The following AHCY variants were observed in gnomAD, a reference collection of about 807,000 sequenced individuals.
AHCY encodes S-adenosyl-L-homocysteine hydrolase.
AHCY carries 24 observed loss-of-function variants against 45.4 expected under a neutral mutation model. The observed-to-expected ratio is 0.53, with a 90% CI of 0.38 to 0.74. The LOEUF (loss-of-function observed/expected upper bound fraction) is 0.74. AHCY is among the 30% of genes least tolerant of loss of function. AHCY has a pLI of 0.00. For synonymous variants in AHCY, 245 were observed against 235.1 expected (o/e 1.04, Z -0.39); for missense variants, 449 against 594.1 (o/e 0.76, Z 2.54).
chr20:34,282,555 A>G (rs1394629879), intron 9 of AHCY, among the ~76,000 whole-genome samples: 2 of 152,224 alleles, frequency 1.3e-5, no homozygotes, highest in South Asian at 4.1e-4. Context: ...TAGTGTTTCT[A>G]TCACTTGTGA....
the AHCY span, chr20:34,246,139 T>A: frequency 1.0e-6 from 1 of 968,500 alleles, no homozygotes; most frequent in South Asian, 1.4e-5. Context: ...TTTCAAAAGT[T>A]GCAAGGCCAC....
At chr20:34,269,349 G>T in the AHCY span, 1 of 743,318 alleles carries the variant, frequency 1.3e-6, no homozygotes, top group Non-Finnish European at 2.0e-6. Flanking sequence ...GCTGCTCGAA[G>T]GTGTGCGGCT....
the AHCY span, among the ~76,000 whole-genome samples, chr20:34,269,770 C>T: frequency 6.6e-6 from 1 of 151,600 alleles, no homozygotes; most frequent in Non-Finnish European, 1.5e-5. Context: ...TATGGAGAAA[C>T]CCCGTCTCTA....
the AHCY span, among the ~76,000 whole-genome samples, chr20:34,271,375 G>T: frequency 0.01 from 1,570 of 152,228 alleles, 36 homozygotes; most frequent in African/African-American, 0.036. Context: ...TTTGATTGTT[G>T]TGAGAATCTG....
chr20:34,303,144 G>A (rs983611737), intron 1 of AHCY, 99 bp downstream of exon 1: 2 of 1,529,122 alleles, frequency 1.3e-6, no homozygotes, highest in African/African-American at 1.4e-5. Context: ...CGATTCCAGG[G>A]GGTCCAGAGA....
the AHCY span, among the ~76,000 whole-genome samples, chr20:34,252,509 C>T: frequency 6.6e-6 from 1 of 152,190 alleles, no homozygotes; most frequent in Admixed American, 6.5e-5. Flanking sequence ...GTCAGTATAT[C>T]TCCCCTCTAG....
upstream of AHCY, among the ~76,000 whole-genome samples, chr20:34,305,159 CAAAAA>C (rs528737503): frequency 1.8e-5 from 2 of 109,378 alleles, no homozygotes; most frequent in African/African-American, 6.5e-5. Context: ...ACTAAAAATA[CAAAAA>C]AAAAAAAAAA....
At chr20:34,260,483 A>G in the AHCY span, 6 of 1,614,060 alleles carry the variant, frequency 3.7e-6, no homozygotes, top group Non-Finnish European at 5.1e-6. Context: ...CAGGAGCCTG[A>G]GAAGCAACTC....
chr20:34,276,303 CAA>C (rs1367279286), downstream of AHCY, among the ~76,000 whole-genome samples: 1 of 152,084 alleles, frequency 6.6e-6, no homozygotes. Flanking sequence ...GAGGTTTGCT[CAA>C]GTCTAAGAAC....
rs375499796 is a variant in AHCY at position 34,290,589 on chromosome 20, A to G, written c.816T>C (p.Phe272=). The part of the protein sequence containing the change: ...MDEACQEGNI[F]VTTTGCIDII... Reference sequence around the variant, plus strand: ...TGTCAATACAGCCTGTGGTGGTGACAAAGATGTTGCCCTCCTGACAGGCCT... The same window carrying G: ...TGTCAATACAGCCTGTGGTGGTGACGAAGATGTTGCCCTCCTGACAGGCCT... Residue 272 remains phenylalanine (F), a synonymous_variant, in exon 7 of 10, where the codon TTT becomes TTC. Coordinates refer to ENST00000217426, the MANE Select transcript of AHCY (RefSeq NM_000687.4). The surrounding 1 kb of genome is among the most constrained non-coding windows in gnomAD (Gnocchi z 4.5). 1 of 1,614,076 alleles carries G rather than the reference A, an allele frequency of 6.2e-7. No individual in the cohort carries two copies. Among genetic ancestry groups the G allele is most frequent in the African/African-American group, 1.3e-5 (1 of 74,920 alleles).
the AHCY span, among the ~76,000 whole-genome samples, chr20:34,247,418 A>G: frequency 6.7e-6 from 1 of 149,284 alleles, no homozygotes; most frequent in African/African-American, 2.5e-5. Context: ...CTCCTGCCTC[A>G]GCCTCCCGAG....
downstream of AHCY, among the ~76,000 whole-genome samples, chr20:34,276,839 C>T (rs1391434503): frequency 3.3e-5 from 5 of 152,154 alleles, no homozygotes; most frequent in African/African-American, 9.7e-5. Context: ...GATCGAAGCC[C>T]GCCCGGACCA....
chr20:34,281,001 C>T lies in AHCY; in HGVS notation c.*33G>A. 3 of 1,613,650 alleles carry T rather than the reference C, an allele frequency of 1.9e-6. No individual in the cohort carries two copies. The South Asian group carries it at 3.3e-5, about 18-fold the overall frequency. ...AGGAGAGGTGGGGCCTGGGCAAGGA[C>T]AGCAGCTGGAGGGTGAAACGCAGAC... On this transcript the variant is annotated 3_prime_UTR_variant, in exon 10 of 10. Transcript: ENST00000217426.
chr20:34,267,813 G>A, the AHCY span, among the ~76,000 whole-genome samples: 1 of 150,414 alleles, frequency 6.6e-6, no homozygotes, highest in Non-Finnish European at 1.5e-5. Flanking sequence ...TTACAGGCAT[G>A]AGCCACCACA....
At chr20:34,299,082 T>G (rs905995293) in intron 1 of AHCY, among the ~76,000 whole-genome samples, 6 of 151,992 alleles carry the variant, frequency 3.9e-5, no homozygotes, top group African/African-American at 1.5e-4. Context: ...ATGGTAGTGG[T>G]CCCCCGGGCC....
intron 1 of AHCY, among the ~76,000 whole-genome samples, chr20:34,308,524 T>G (rs2036917239): frequency 6.6e-6 from 1 of 152,210 alleles, no homozygotes; most frequent in Admixed American, 6.5e-5. Flanking sequence ...CACTCCAGAC[T>G]TGGTGACAGA....
chr20:34,300,849 C>A (rs547240239), intron 1 of AHCY, among the ~76,000 whole-genome samples: 2 of 152,224 alleles, frequency 1.3e-5, no homozygotes, highest in South Asian at 4.1e-4. Context: ...GGGTGGTGAC[C>A]GTGGAGACAG....
chr20:34,259,474 C>T, the AHCY span, among the ~76,000 whole-genome samples: 2 of 152,118 alleles, frequency 1.3e-5, no homozygotes, highest in African/African-American at 4.8e-5. Flanking sequence ...GATCGTGCCA[C>T]TGCACTCCAG....
the AHCY span, among the ~76,000 whole-genome samples, chr20:34,253,447 T>TTTTATTTATTTA: frequency 1.7e-4 from 18 of 103,808 alleles, no homozygotes; most frequent in Admixed American, 1.3e-3. Context: ...TTTTATTTTA[T>TTTTATTTATTTA]TTTATTTATT....
Sources: gnomAD v4.1 joint callset for allele counts (sites outside exome capture counted in the v4.1 genomes callset) on GRCh38, gnomAD v4.1.1 for gene constraint, Gnocchi (gnomAD v3.1) non-coding constraint, MANE v1.5 for transcripts, NCBI Gene and HGNC (gene_info 2026-07-23, HGNC 2026-07-21) for gene names.